The following NIPA1 variants were observed in gnomAD, a reference collection of about 807,000 sequenced individuals.
The protein encoded by NIPA1 is magnesium transporter NIPA1.
A neutral mutation model predicts 23.9 loss-of-function variants in NIPA1; 13 were observed. The observed-to-expected ratio is 0.54, with a 90% confidence interval of 0.35 to 0.87. The LOEUF is 0.87. Among genes scored for constraint, NIPA1 ranks in the 40% least tolerant of loss-of-function variants. The probability of loss-of-function intolerance (pLI) is 0.01; values close to 1 mark genes in which losing one functional copy is unlikely to be tolerated. For missense variants in NIPA1, 362 were observed against 429.7 expected, an observed-to-expected ratio of 0.84 and a Z score of 1.39; for synonymous variants, 234 against 202.9, an observed-to-expected ratio of 1.15 and a Z score of -1.30.
Position 22,826,285 on chromosome 15 carries a change from C to A in NIPA1, c.*2046C>A, listed in dbSNP as rs1374290718. Reference sequence around the variant, plus strand: ...AGCAACAACATTATTTTTTAAAAATCTTAAATCCTCTCAATGGATGGTTAA... The same window carrying A: ...AGCAACAACATTATTTTTTAAAAATATTAAATCCTCTCAATGGATGGTTAA... On this transcript the variant is annotated 3_prime_UTR_variant, in exon 5 of 5. Coordinates refer to ENST00000337435, the MANE Select transcript of NIPA1 (RefSeq NM_144599.5). 1.3e-5 allele frequency: 1 copy of A among 78,590 alleles called. No individual in the cohort carries two copies. Among genetic ancestry groups the A allele is most frequent in the Non-Finnish European group, 3.0e-5 (1 of 32,966 alleles). 4.9% of individuals were successfully genotyped at this position (78,590 alleles called of 1,614,324 possible).
chr15:22,824,125 G>A lies in NIPA1; in HGVS notation c.876G>A (p.Leu292=), dbSNP rs755697305. 6.2e-7 allele frequency: 1 copy of A among 1,614,106 alleles called. No homozygotes were observed. Among genetic ancestry groups the A allele is most frequent in the Middle Eastern group, 1.6e-4 (1 of 6,062 alleles). ...GCAACGTGGGCCTGGTGGACTTCTTGGGGATGGCCTGTGGATTCACGACCG... is the reference window on the plus strand; with the variant it reads ...GCAACGTGGGCCTGGTGGACTTCTTAGGGATGGCCTGTGGATTCACGACCG... ...EWSNVGLVDF[L]GMACGFTTVS... is the part of the protein sequence containing the mutation. Residue 292 remains leucine (L), a synonymous_variant, in exon 5 of 5, where the codon TTG becomes TTA. Coordinates refer to ENST00000337435, the MANE Select transcript of NIPA1 (RefSeq NM_144599.5). This position sits in a 1 kb window ranked among gnomAD's most constrained non-coding sequence, Gnocchi z 4.1.
rs74003094 is a variant in NIPA1, at chr15:22,789,655, C to T, written c.178+2821C>T. 3.2e-3 allele frequency among the ~76,000 whole-genome samples: 486 copies of T among 152,240 alleles called. 2 individuals carry two copies. The highest frequency in any genetic ancestry group is 0.01 in the African/African-American group (435 of 41,550). ...GGTGTCTTACACTAGGGAACATTTC[C>T]GAGTCATGTGGCACCAAAGTATGTT... On this transcript the variant is annotated intron_variant, in intron 1 of 4. Transcript: ENST00000337435.
chr15:22,786,836 T>A lies in NIPA1; in HGVS notation c.178+2T>A. 1 of 1,103,550 alleles carries A rather than the reference T, an allele frequency of 9.1e-7. No individual in the cohort carries two copies. Among genetic ancestry groups the A allele is most frequent in the Non-Finnish European group, 1.1e-6 (1 of 884,014 alleles). 68.4% of individuals were successfully genotyped at this position (1,103,550 alleles called of 1,614,324 possible). On this transcript the variant is annotated splice_donor_variant, in intron 1 of 4. Transcript: ENST00000337435. LOFTEE classifies it high-confidence loss of function. The stretch of plus-strand genomic sequence containing the variant: ...GCATCGTGCGTGCCAAGCGGCGAGG[T>A]AGGGCGGGCGGCAGGCGGCAGGCGG...
chr15:22,809,400 G>GGAAAAC (rs1895275476), intron 1 of NIPA1, among the ~76,000 whole-genome samples: 1 of 151,676 alleles, frequency 6.6e-6, no homozygotes, highest in Non-Finnish European at 1.5e-5. Context: ...AAAAGGAAAA[G>GGAAAAC]GAAAAAAGAA....
intron 1 of NIPA1, among the ~76,000 whole-genome samples, chr15:22,797,342 T>C (rs1894959339): frequency 6.6e-6 from 1 of 152,012 alleles, no homozygotes; most frequent in African/African-American, 2.4e-5. Context: ...CCCAAGTAGC[T>C]GGGACTACAG....
chr15:22,794,685 G>A (rs144855777), intron 1 of NIPA1, among the ~76,000 whole-genome samples: 65 of 152,118 alleles, frequency 4.3e-4, no homozygotes, highest in African/African-American at 1.4e-3. Flanking sequence ...TTCCACACTT[G>A]CACTGGCTCT....
intron 3 of NIPA1, among the ~76,000 whole-genome samples, chr15:22,814,861 C>T (rs944537705): frequency 1.3e-5 from 2 of 152,208 alleles, no homozygotes; most frequent in Non-Finnish European, 2.9e-5. Context: ...CATACACTTT[C>T]TCTGTATCTG....
intron 1 of NIPA1, among the ~76,000 whole-genome samples, chr15:22,795,282 A>G (rs1012579053): frequency 6.6e-5 from 10 of 152,008 alleles, no homozygotes; most frequent in Non-Finnish European, 1.5e-4. Flanking sequence ...CCATCAGAAA[A>G]GGAGATAAAG....
At chr15:22,803,503 CTTTTT>C (rs35223839) in intron 1 of NIPA1, among the ~76,000 whole-genome samples, 8 of 69,328 alleles carry the variant, frequency 1.2e-4, no homozygotes, top group African/African-American at 3.0e-4. Flanking sequence ...TTAAAAGTGC[CTTTTT>C]TTTTTTTTTT....
intron 1 of NIPA1, among the ~76,000 whole-genome samples, chr15:22,803,671 G>A (rs1270730408): frequency 8.0e-6 from 1 of 125,334 alleles, no homozygotes; most frequent in East Asian, 2.4e-4. Flanking sequence ...ACCGGGCCCG[G>A]CTAATTTTTT....
Position 22,828,240 on chromosome 15 carries a change from C to G in NIPA1, c.*4001C>G, listed in dbSNP as rs1457649225. On this transcript the variant is annotated 3_prime_UTR_variant, in exon 5 of 5. Coordinates refer to ENST00000337435, the MANE Select transcript of NIPA1 (RefSeq NM_144599.5). ...AGTGACCTTCCTCCCAAGGACATAT[C>G]CGTGTTCATTTTTCATAGGTTTTAC... 6.6e-6 allele frequency: 1 copy of G among 152,508 alleles called. No homozygotes were observed. The highest frequency in any genetic ancestry group is 1.5e-5 in the Non-Finnish European group (1 of 68,018). The allele number at this position is 152,508 out of a possible 1,614,324, so 9.4% of individuals were successfully genotyped here.
intron 1 of NIPA1, among the ~76,000 whole-genome samples, chr15:22,788,251 C>CA (rs1360568081): frequency 6.6e-6 from 1 of 152,072 alleles, no homozygotes; most frequent in African/African-American, 2.4e-5. Flanking sequence ...CCTGTAGTCC[C>CA]AGCACTTTGG....
chr15:22,809,768 G>A (rs139506428), intron 1 of NIPA1, among the ~76,000 whole-genome samples: 1,648 of 150,998 alleles, frequency 0.011, 41 homozygotes, highest in African/African-American at 0.038. Context: ...GGCCAGGCGC[G>A]GTGGCTCACA....
At chr15:22,816,902 G>A (rs1318866586) in intron 3 of NIPA1, among the ~76,000 whole-genome samples, 4 of 151,822 alleles carry the variant, frequency 2.6e-5, no homozygotes, top group Non-Finnish European at 4.4e-5. Flanking sequence ...TTACATCTGA[G>A]GCCGGGCGTA....
intron 3 of NIPA1, among the ~76,000 whole-genome samples, chr15:22,819,675 C>G (rs1265134811): frequency 6.6e-6 from 1 of 152,056 alleles, no homozygotes; most frequent in Non-Finnish European, 1.5e-5. Context: ...TTTTATCATG[C>G]ATTACTTATA....
intron 1 of NIPA1, among the ~76,000 whole-genome samples, chr15:22,800,483 T>A (rs929899780): frequency 1.3e-5 from 2 of 152,056 alleles, no homozygotes; most frequent in African/African-American, 4.8e-5. Context: ...CAGCTCTTTA[T>A]CATGTAATTT....
intron 1 of NIPA1, among the ~76,000 whole-genome samples, chr15:22,805,032 G>C (rs1423882411): frequency 6.6e-6 from 1 of 151,908 alleles, no homozygotes; most frequent in Non-Finnish European, 1.5e-5. Flanking sequence ...AGTAGAGATA[G>C]GATTTCACTG....
At chr15:22,792,372 T>TTC (rs1238018328) in intron 1 of NIPA1, among the ~76,000 whole-genome samples, 3 of 151,558 alleles carry the variant, frequency 2.0e-5, no homozygotes, top group African/African-American at 7.3e-5. Context: ...TTTTCTTTTT[T>TTC]TTTTGAGACG....
intron 1 of NIPA1, among the ~76,000 whole-genome samples, chr15:22,804,091 G>A (rs539330137): frequency 1.8e-4 from 27 of 151,262 alleles, no homozygotes; most frequent in African/African-American, 5.6e-4. Context: ...ATTCTCCTGC[G>A]TCAGCGTCCT....
Sources: allele counts gnomAD v4.1 joint callset (sites outside exome capture counted in the v4.1 genomes callset), GRCh38; gene constraint gnomAD v4.1.1; non-coding constraint Gnocchi (gnomAD v3.1); transcripts MANE v1.5; gene names NCBI Gene and HGNC (gene_info 2026-07-23, HGNC 2026-07-21).